Variants in RBM47 observed in about 807,000 individuals in gnomAD.
RBM47 encodes the protein RNA binding motif protein 47, also known as RNA-binding protein 47.
In RBM47, 21 loss-of-function variants were observed where a neutral mutation model predicts 47.1. The ratio of observed to expected loss-of-function variants is 0.45; its 90% confidence interval spans 0.32 to 0.64. The LOEUF (loss-of-function observed/expected upper bound fraction) is 0.64. Among genes scored for constraint, RBM47 ranks in the 30% least tolerant of loss-of-function variants. The pLI, the probability that RBM47 is intolerant of heterozygous loss-of-function variation, is 0.05. For missense variants in RBM47, 708 were observed against 870.9 expected, an observed-to-expected ratio of 0.81 and a Z score of 2.35; for synonymous variants, 375 against 361.7, an observed-to-expected ratio of 1.04 and a Z score of -0.42.
At chr4:40,609,343 C>T (rs1369923261) in intron 1 of RBM47, among the ~76,000 whole-genome samples, 3 of 147,820 alleles carry the variant, frequency 2.0e-5, no homozygotes, top group African/African-American at 7.5e-5. Flanking sequence ...GACTGAGACT[C>T]ACTCTATGGC....
At chr4:40,541,370 C>T (rs1301443703) in intron 2 of RBM47, among the ~76,000 whole-genome samples, 1 of 151,944 alleles carries the variant, frequency 6.6e-6, no homozygotes, top group Non-Finnish European at 1.5e-5. Flanking sequence ...TATACATGAA[C>T]ATGTGTAAAT....
intron 1 of RBM47, among the ~76,000 whole-genome samples, chr4:40,617,534 G>A (rs1440335537): frequency 3.3e-5 from 5 of 151,940 alleles, no homozygotes; most frequent in Non-Finnish European, 7.4e-5. Flanking sequence ...ACTCCAGCCT[G>A]GTGACAGAGT....
intron 2 of RBM47, chr4:40,514,669 T>C (rs1449230346): frequency 6.6e-6 from 1 of 152,104 alleles, no homozygotes; most frequent in Non-Finnish European, 1.5e-5. Flanking sequence ...CAAACACCAC[T>C]GAGGGAACAC....
chr4:40,489,502 C>A (rs1209787206), intron 2 of RBM47, among the ~76,000 whole-genome samples: 2 of 152,074 alleles, frequency 1.3e-5, no homozygotes, highest in East Asian at 3.8e-4. Flanking sequence ...ACACTACTGA[C>A]CTTCTAGAAA....
chr4:40,572,496 G>A (rs1352198503), intron 1 of RBM47, among the ~76,000 whole-genome samples: 1 of 152,002 alleles, frequency 6.6e-6, no homozygotes, highest in African/African-American at 2.4e-5. Flanking sequence ...AGGAATAGAA[G>A]CTCTAAGTGT....
At chr4:40,596,421 A>C (rs1734762072) in intron 1 of RBM47, among the ~76,000 whole-genome samples, 1 of 152,140 alleles carries the variant, frequency 6.6e-6, no homozygotes, top group Admixed American at 6.6e-5. Flanking sequence ...CTGTAGCCAG[A>C]TTATTTACTC....
chr4:40,599,956 C>T (rs562830667), intron 1 of RBM47, among the ~76,000 whole-genome samples: 3 of 152,148 alleles, frequency 2.0e-5, no homozygotes, highest in African/African-American at 4.8e-5. Context: ...CACTAATATA[C>T]CCCTACACTT....
At chr4:40,591,895 A>G (rs188522320) in intron 1 of RBM47, among the ~76,000 whole-genome samples, 45 of 152,332 alleles carry the variant, frequency 3.0e-4, no homozygotes, top group Admixed American at 2.5e-3. Context: ...GGAACTGGCA[A>G]GAATTTGGTG....
intron 1 of RBM47, among the ~76,000 whole-genome samples, chr4:40,554,702 G>T (rs1729903502): frequency 6.6e-6 from 1 of 151,796 alleles, no homozygotes; most frequent in Non-Finnish European, 1.5e-5. Context: ...TAATTTAGCA[G>T]CAAAATCCGA....
chr4:40,600,180 A>AT (rs3077519), intron 1 of RBM47, among the ~76,000 whole-genome samples: 45,330 of 144,792 alleles, frequency 0.31, 7,143 homozygotes, highest in South Asian at 0.35. Context: ...TTTTTTATGA[A>AT]TTTTTTTTTT....
At chr4:40,445,118 G>C (rs904827096) in intron 3 of RBM47, among the ~76,000 whole-genome samples, 52 of 151,790 alleles carry the variant, frequency 3.4e-4, no homozygotes, top group African/African-American at 1.2e-3. Flanking sequence ...ACTAAAAATA[G>C]AAAAAATTAG....
At chr4:40,501,567 A>T (rs575177178) in intron 2 of RBM47, among the ~76,000 whole-genome samples, 1 of 152,356 alleles carries the variant, frequency 6.6e-6, no homozygotes, top group Admixed American at 6.5e-5. Flanking sequence ...TAGTGCAAAC[A>T]AGGAATTATT....
At chr4:40,580,621 G>A (rs147507227) in intron 1 of RBM47, among the ~76,000 whole-genome samples, 3 of 152,284 alleles carry the variant, frequency 2.0e-5, no homozygotes, top group East Asian at 1.9e-4. Flanking sequence ...ACTGGCAGCC[G>A]CAGCCACCCG....
intron 1 of RBM47, among the ~76,000 whole-genome samples, chr4:40,573,111 C>T (rs548623884): frequency 4.4e-4 from 65 of 146,242 alleles, no homozygotes; most frequent in South Asian, 1.1e-3. Flanking sequence ...CGACATTGCG[C>T]CATTATACTC....
chr4:40,573,797 G>GAGAGAAAGA (rs1393645972), intron 1 of RBM47, among the ~76,000 whole-genome samples: 3 of 104,502 alleles, frequency 2.9e-5, no homozygotes, highest in Admixed American at 9.9e-5. Context: ...GAGAGAGAGA[G>GAGAGAAAGA]AAAGAAAGAA....
In RBM47 at chr4:40,486,069, CA is replaced by C. The variant is rs201408070; in HGVS notation, c.-154-19371del. Among the ~76,000 whole-genome samples, 451 of 62,746 alleles carry C rather than the reference CA, an allele frequency of 7.2e-3. 1 individual carries two copies. Among genetic ancestry groups the C allele is most frequent in the Middle Eastern group, 0.023 (3 of 130 alleles). The allele number at this position is 62,746 out of a possible 152,430, so 41.2% of individuals were successfully genotyped here. A position where few individuals can be genotyped will look rare whatever the true frequency, so the allele number is the denominator to read the frequency against. On this transcript the variant is annotated intron_variant, in intron 2 of 6. Coordinates refer to ENST00000295971, the MANE Select transcript of RBM47 (RefSeq NM_001098634.2). ...TGGACAACAGAGCAAAACCCTGTTTCAAAAAAAAAAAAAAAAAAAAAAAAAA... is the reference window on the plus strand; with the variant it reads ...TGGACAACAGAGCAAAACCCTGTTTCAAAAAAAAAAAAAAAAAAAAAAAAA...
chr4:40,424,312 C>T lies in RBM47; in HGVS notation c.*1592G>A, dbSNP rs1362638523. The T allele has an allele frequency of 3.9e-5, 6 of 152,508 alleles. No individual in the cohort carries two copies. Among genetic ancestry groups the T allele is most frequent in the African/African-American group, 1.4e-4 (6 of 41,422 alleles). 9.4% of individuals were successfully genotyped at this position (152,508 alleles called of 1,614,324 possible). A position where few individuals can be genotyped will look rare whatever the true frequency, so the allele number is the denominator to read the frequency against. The stretch of plus-strand genomic sequence containing the variant: ...GCACACCTCACTTCCTTGATTGAGC[C>T]TTTAAAAAACAATTCCAAGTTGATA... On this transcript the variant is annotated 3_prime_UTR_variant, in exon 7 of 7. Transcript: ENST00000295971.
chr4:40,563,824 T>C (rs1262478909), intron 1 of RBM47, among the ~76,000 whole-genome samples: 2 of 152,232 alleles, frequency 1.3e-5, no homozygotes, highest in East Asian at 3.8e-4. Context: ...GGAAGGCACA[T>C]TTACAATGGC....
At chr4:40,560,571 C>T (rs1327393052) in intron 1 of RBM47, among the ~76,000 whole-genome samples, 2 of 152,250 alleles carry the variant, frequency 1.3e-5, no homozygotes, top group East Asian at 1.9e-4. Flanking sequence ...AGGAGGTGAC[C>T]TCCCCGACCC....
Sources: gnomAD v4.1 joint callset for allele counts (sites outside exome capture counted in the v4.1 genomes callset) on GRCh38, gnomAD v4.1.1 for gene constraint, MANE v1.5 for transcripts, NCBI Gene and HGNC (gene_info 2026-07-23, HGNC 2026-07-21) for gene names.